PINX1: variants seen among roughly 807,000 people sequenced by gnomAD.
PINX1 encodes the protein PIN2/TERF1-interacting telomerase inhibitor 1.
In PINX1, 34 loss-of-function variants were observed where a neutral mutation model predicts 25.4. That is an observed-to-expected ratio of 1.34 (90% CI 1.02 to 1.78). PINX1 has a LOEUF of 1.78. Among genes scored for constraint, PINX1 ranks in the 40% most tolerant of loss-of-function variants. PINX1 has a pLI of 0.00. For missense variants in PINX1, 592 were observed against 404.9 expected (o/e 1.46, Z -3.97); for synonymous variants, 197 against 147.7 (o/e 1.33, Z -2.42).
chr8:10,783,622 T>A (rs1801659944), intron 6 of PINX1, among the ~76,000 whole-genome samples: 1 of 152,206 alleles, frequency 6.6e-6, no homozygotes, highest in Non-Finnish European at 1.5e-5. Flanking sequence ...TGACTGTGAA[T>A]GTCCCAGACT....
intron 6 of PINX1, among the ~76,000 whole-genome samples, chr8:10,799,407 G>T (rs1045822107): frequency 6.6e-6 from 1 of 152,120 alleles, no homozygotes; most frequent in Non-Finnish European, 1.5e-5. Context: ...GGGAAATGAT[G>T]GGACAGACGT....
chr8:10,830,220 T>C (rs1025048513), intron 4 of PINX1, among the ~76,000 whole-genome samples: 2 of 152,226 alleles, frequency 1.3e-5, no homozygotes, highest in African/African-American at 2.4e-5. Flanking sequence ...AAAATCATGA[T>C]CCTATGGATA....
chr8:10,831,890 G>C (rs1396296020), intron 3 of PINX1, 147 bp from the exon 4 acceptor site: 1 of 617,102 alleles, frequency 1.6e-6, no homozygotes, highest in Non-Finnish European at 2.9e-6. Flanking sequence ...AATTTAAGTG[G>C]ATTCAAGAAA....
At chr8:10,834,086 C>G (rs1013798200) in intron 2 of PINX1, among the ~76,000 whole-genome samples, 14 of 152,046 alleles carry the variant, frequency 9.2e-5, no homozygotes, top group African/African-American at 3.4e-4. Context: ...ATCACTGCAG[C>G]AAAGTGCAAA....
At chr8:10,782,654 T>C (rs1024218491) in intron 6 of PINX1, among the ~76,000 whole-genome samples, 3 of 152,066 alleles carry the variant, frequency 2.0e-5, no homozygotes, top group Non-Finnish European at 4.4e-5. Flanking sequence ...CAGGATCACT[T>C]GAATCCAGGA....
chr8:10,817,595 T>C (rs1773274156), intron 6 of PINX1, among the ~76,000 whole-genome samples: 1 of 152,218 alleles, frequency 6.6e-6, no homozygotes, highest in South Asian at 2.1e-4. Context: ...ATAGATTCTG[T>C]TTTCTGCACA....
intron 6 of PINX1, among the ~76,000 whole-genome samples, chr8:10,784,416 C>A (rs1201988288): frequency 6.6e-6 from 1 of 152,202 alleles, no homozygotes; most frequent in East Asian, 1.9e-4. Flanking sequence ...ACTCTACTTA[C>A]AAGTTTCAGC....
intron 6 of PINX1, among the ~76,000 whole-genome samples, chr8:10,780,564 G>A (rs1319655835): frequency 6.6e-6 from 1 of 150,960 alleles, no homozygotes; most frequent in Non-Finnish European, 1.5e-5. Flanking sequence ...CCAAACAAAT[G>A]AAAACCTAGC....
At chr8:10,839,658 C>T (rs573698303) in intron 1 of PINX1, 80 bp downstream of exon 1, 1 of 1,462,440 alleles carries the variant, frequency 6.8e-7, no homozygotes, top group East Asian at 2.5e-5. Context: ...CCCGAGCTCC[C>T]AGCCACTCCG....
intron 2 of PINX1, chr8:10,833,691 G>A (rs1798301029): frequency 1.0e-5 from 1 of 95,794 alleles, no homozygotes; most frequent in African/African-American, 8.6e-5. Flanking sequence ...TGGGGTGCGG[G>A]AGGCTGGAGA....
At chr8:10,828,657 C>G (rs748683665) in intron 4 of PINX1, among the ~76,000 whole-genome samples, 2 of 152,182 alleles carry the variant, frequency 1.3e-5, no homozygotes, top group Non-Finnish European at 2.9e-5. Context: ...AAGAAGGATG[C>G]GTGAGCACCG....
In PINX1 at chr8:10,819,284, T is replaced by G. The variant is rs967321343; in HGVS notation, c.471+909A>C. On this transcript the variant is annotated intron_variant, in intron 6 of 6. Coordinates refer to ENST00000314787, the MANE Select transcript of PINX1 (RefSeq NM_017884.6). The stretch of plus-strand genomic sequence containing the variant: ...ACTATTAAGAAACAAACCACCACCC[T>G]AGAAATAAAGATTTCTGTCAGTCTG... Among the ~76,000 whole-genome samples, 19 of 152,282 alleles carry G rather than the reference T, an allele frequency of 1.2e-4. No individual in the cohort carries two copies. The East Asian group carries it at 3.7e-3, about 29-fold the overall frequency.
intron 6 of PINX1, among the ~76,000 whole-genome samples, chr8:10,785,260 C>G (rs1563208625): frequency 6.6e-6 from 1 of 152,176 alleles, no homozygotes; most frequent in Non-Finnish European, 1.5e-5. Context: ...CTACTAACTT[C>G]AAGCTAAGTT....
intron 4 of PINX1, among the ~76,000 whole-genome samples, chr8:10,831,423 G>A (rs1045404948): frequency 1.3e-5 from 2 of 152,140 alleles, no homozygotes; most frequent in African/African-American, 2.4e-5. Flanking sequence ...TTTTCAAATA[G>A]CTAGAAGAAC....
Position 10,765,638 on chromosome 8 carries a change from G to C in PINX1, c.750C>G (p.Ala250=). The C allele has an allele frequency of 6.2e-7, 1 of 1,613,878 alleles. No individual in the cohort carries two copies. Among genetic ancestry groups the C allele is most frequent in the Non-Finnish European group, 8.5e-7 (1 of 1,179,888 alleles). Residue 250 remains alanine, a synonymous_variant, in exon 7 of 7, where the codon GCC becomes GCG. Transcript: ENST00000314787. ...CTTCTGCTGGCGCGCTCTTCTTCTT[G>C]GCCACTCGCTCCTGGGCCTCGGCCC... ...PERAEAQERV[A]KKKSAPAEEQ...
intron 4 of PINX1, 96 bp from the exon 5 acceptor site, chr8:10,826,340 C>T (rs1444220782): frequency 3.2e-6 from 2 of 624,240 alleles, no homozygotes; most frequent in East Asian, 5.7e-5. Flanking sequence ...ATTTTAGGAG[C>T]CCTATCATTA....
chr8:10,816,903 C>T (rs1432771209), intron 6 of PINX1, among the ~76,000 whole-genome samples: 1 of 152,214 alleles, frequency 6.6e-6, no homozygotes, highest in African/African-American at 2.4e-5. Flanking sequence ...AGTTTCCTCA[C>T]TGCTACAGAG....
rs57684473 is a variant in PINX1, at chr8:10,829,285, C to CAAA, written c.301+2377_301+2379dup. The stretch of plus-strand genomic sequence containing the variant: ...TGGGCCACAGAGCAAGACTCCATCT[C>CAAA]AAAAAAAAAAAAAAAAAAAAGAGAG... On this transcript the variant is annotated intron_variant, in intron 4 of 6. Coordinates refer to ENST00000314787, the MANE Select transcript of PINX1 (RefSeq NM_017884.6). Among the ~76,000 whole-genome samples the CAAA allele has an allele frequency of 1.6e-3, 144 of 90,478 alleles. 2 individuals are homozygous for CAAA. In the South Asian group the frequency reaches 0.028, roughly 18 times the overall value. 59.4% of individuals were successfully genotyped at this position (90,478 alleles called of 152,430 possible). A position where few individuals can be genotyped will look rare whatever the true frequency, so the allele number is the denominator to read the frequency against.
At chr8:10,782,852 T>C (rs1801630936) in intron 6 of PINX1, among the ~76,000 whole-genome samples, 1 of 152,024 alleles carries the variant, frequency 6.6e-6, no homozygotes, top group African/African-American at 2.4e-5. Flanking sequence ...TCACGAACAA[T>C]AAAAAAAGGA....
Sources: allele counts gnomAD v4.1 joint callset (sites outside exome capture counted in the v4.1 genomes callset), GRCh38; gene constraint gnomAD v4.1.1; transcripts MANE v1.5; gene names NCBI Gene and HGNC (gene_info 2026-07-23, HGNC 2026-07-21).